The following COL22A1 variants were observed in gnomAD, a reference collection of about 807,000 sequenced individuals.
COL22A1 encodes the protein collagen alpha-1(XXII) chain.
Under a neutral mutation model 248.9 loss-of-function variants are expected in COL22A1, and 221 were observed. That is an observed-to-expected ratio of 0.89 (90% CI 0.80 to 0.99). COL22A1 has a LOEUF of 0.99. COL22A1 is among the 50% of genes least tolerant of loss of function. COL22A1 has a pLI of 0.00. For missense variants in COL22A1, 2,240 were observed against 2,179.0 expected, an observed-to-expected ratio of 1.03 and a Z score of -0.56; for synonymous variants, 891 against 793.4, an observed-to-expected ratio of 1.12 and a Z score of -2.07.
In COL22A1 at chr8:138,913,908, G is replaced by A. The variant is rs1251736466; in HGVS notation, c.-362C>T. ...GAAAGGCTTGAAAGTTACAGAATGAGATAGAAAGTGTGTGAGAAACAGAAG... is the reference window on the plus strand; with the variant it reads ...GAAAGGCTTGAAAGTTACAGAATGAAATAGAAAGTGTGTGAGAAACAGAAG... On this transcript the variant is annotated 5_prime_UTR_variant, in exon 1 of 65. Transcript: ENST00000303045. The A allele has an allele frequency of 1.3e-5, 2 of 152,432 alleles. No homozygotes were observed. Among genetic ancestry groups the A allele is most frequent in the African/African-American group, 4.8e-5 (2 of 41,478 alleles). 9.4% of individuals were successfully genotyped at this position (152,432 alleles called of 1,614,324 possible). A position where few individuals can be genotyped will look rare whatever the true frequency, so the allele number is the denominator to read the frequency against.
chr8:138,626,156 T>C (rs776700414), intron 51 of COL22A1, 34 bp downstream of exon 51: 15 of 1,548,894 alleles, frequency 9.7e-6, no homozygotes, highest in Non-Finnish European at 1.8e-6. Context: ...AACTAGTTTG[T>C]TTTTGTTTGT....
intron 21 of COL22A1, 48 bp from the exon 22 acceptor site, chr8:138,751,559 T>A (rs760611603): frequency 2.2e-6 from 3 of 1,365,464 alleles, no homozygotes; most frequent in Non-Finnish European, 2.1e-6. Flanking sequence ...TAATGGTAAA[T>A]GCAGGGCTCA....
Position 138,904,067 on chromosome 8 carries a change from C to A in COL22A1, c.-73+9552G>T, listed in dbSNP as rs1224751506. ...TATTTCCCTATCCCCGCTTTTTAAGCTTAAGCTAATTTGAGCTGGAGTTCT... is the reference window on the plus strand; with the variant it reads ...TATTTCCCTATCCCCGCTTTTTAAGATTAAGCTAATTTGAGCTGGAGTTCT... On this transcript the variant is annotated intron_variant, in intron 1 of 64. Transcript: ENST00000303045. Among the ~76,000 whole-genome samples the A allele has an allele frequency of 3.3e-5, 5 of 152,158 alleles. No homozygotes were observed. In the South Asian group the frequency reaches 8.3e-4, roughly 25 times the overall value.
intron 47 of COL22A1, among the ~76,000 whole-genome samples, chr8:138,637,629 T>C (rs1020820361): frequency 2.0e-5 from 3 of 152,224 alleles, no homozygotes; most frequent in Non-Finnish European, 4.4e-5. Context: ...CTGTGTGTCA[T>C]TGGACAAGAT....
chr8:138,881,405 G>A (rs944318878), intron 2 of COL22A1, among the ~76,000 whole-genome samples: 1 of 152,094 alleles, frequency 6.6e-6, no homozygotes, highest in African/African-American at 2.4e-5. Flanking sequence ...TCACTTTCTG[G>A]GTGGGTGTGG....
chr8:138,907,326 G>T (rs1815104766), intron 1 of COL22A1, among the ~76,000 whole-genome samples: 1 of 152,222 alleles, frequency 6.6e-6, no homozygotes, highest in African/African-American at 2.4e-5. Flanking sequence ...CTCGTGCTGT[G>T]CAGTGTCTAG....
At chr8:138,608,957 G>A (rs908915656) in intron 56 of COL22A1, among the ~76,000 whole-genome samples, 2 of 152,234 alleles carry the variant, frequency 1.3e-5, no homozygotes, top group Non-Finnish European at 2.9e-5. Flanking sequence ...CACACAGGAG[G>A]TTTCCTGCTA....
chr8:138,606,400 A>T lies in COL22A1; in HGVS notation c.4085T>A (p.Leu1362Gln). 1 of 1,613,266 alleles carries T rather than the reference A, an allele frequency of 6.2e-7. No homozygotes were observed. The highest frequency in any genetic ancestry group is 8.5e-7 in the Non-Finnish European group (1 of 1,179,792). ...ENGSPGLPGF[L>Q]GPRGPPGEPG... ...GCTTACCGGAGGCCCACGGGGACCC[A>T]GGAAGCCAGGAAGTCCTGGGCTGCC... Residue 1362 changes from leucine (L) to glutamine (Q), a missense_variant, in exon 58 of 65, where the codon CTG becomes CAG. Physicochemically the swap from Leu to Gln is moderately radical, Grantham distance 113 (BLOSUM62 -2). Coordinates refer to ENST00000303045, the MANE Select transcript of COL22A1 (RefSeq NM_152888.3).
chr8:138,662,012 C>T lies in COL22A1; in HGVS notation c.3240+18G>A. On this transcript the variant is annotated intron_variant, in intron 43 of 64. Transcript: ENST00000303045. ...TGTAAGGGCCTTCACTGAGTCCACG[C>T]CATTTCTCTGTACTTACGTCCCGGC... The T allele has an allele frequency of 5.6e-6, 9 of 1,607,268 alleles. No homozygotes were observed. Among genetic ancestry groups the T allele is most frequent in the Non-Finnish European group, 6.8e-6 (8 of 1,176,138 alleles).
chr8:138,813,203 A>G (rs1818386774), intron 7 of COL22A1, among the ~76,000 whole-genome samples, 184 bp from the exon 8 acceptor site: 1 of 152,084 alleles, frequency 6.6e-6, no homozygotes, highest in African/African-American at 2.4e-5. Flanking sequence ...GCTAAGCATC[A>G]TCTGCTCACA....
chr8:138,692,462 CAT>C (rs1491291444), intron 35 of COL22A1, among the ~76,000 whole-genome samples: 474 of 46,268 alleles, frequency 0.01, 5 homozygotes, highest in African/African-American at 0.024. Flanking sequence ...TGTGTGAGTG[CAT>C]GTGTGTGTGT....
chr8:138,824,473 T>C (rs1819417520), intron 6 of COL22A1, among the ~76,000 whole-genome samples: 1 of 152,238 alleles, frequency 6.6e-6, no homozygotes, highest in Non-Finnish European at 1.5e-5. Flanking sequence ...GTTCTCCTAA[T>C]TTGTCCTCCT....
chr8:138,615,549 T>C (rs1397336202), intron 55 of COL22A1, among the ~76,000 whole-genome samples: 1 of 144,828 alleles, frequency 6.9e-6, no homozygotes, highest in Middle Eastern at 3.5e-3. Context: ...AAAAAAAAAA[T>C]TTTTTTTTTC....
chr8:138,774,227 G>A (rs930859735), intron 16 of COL22A1, among the ~76,000 whole-genome samples: 30 of 152,088 alleles, frequency 2.0e-4, no homozygotes, highest in Non-Finnish European at 4.4e-4. Context: ...CTGCTTTGGG[G>A]AACGAGGCCA....
At chr8:138,662,138 A>G (rs1222480290) in intron 42 of COL22A1, 55 bp from the exon 43 acceptor site, 7 of 1,470,692 alleles carry the variant, frequency 4.8e-6, no homozygotes, top group Non-Finnish European at 6.6e-6. Flanking sequence ...GCAAATAAGG[A>G]CACACCCTCC....
intron 12 of COL22A1, among the ~76,000 whole-genome samples, chr8:138,795,102 A>C (rs1306134817): frequency 2.0e-5 from 3 of 152,180 alleles, no homozygotes; most frequent in Non-Finnish European, 2.9e-5. Flanking sequence ...TTAAAAAAAA[A>C]AGTGTAAAAC....
chr8:138,609,340 T>C (rs1193021924), intron 56 of COL22A1, among the ~76,000 whole-genome samples: 1 of 152,202 alleles, frequency 6.6e-6, no homozygotes, highest in Non-Finnish European at 1.5e-5. Flanking sequence ...CTTAAGGACA[T>C]GCCTTATGGG....
intron 56 of COL22A1, among the ~76,000 whole-genome samples, chr8:138,611,304 G>A (rs1350334147): frequency 6.6e-6 from 1 of 152,196 alleles, no homozygotes; most frequent in African/African-American, 2.4e-5. Flanking sequence ...CGTCCAGATT[G>A]CCTCCATTTT....
Position 138,677,257 on chromosome 8 carries a change from T to C in COL22A1, c.3073-622A>G, listed in dbSNP as rs76236789. On this transcript the variant is annotated intron_variant, in intron 40 of 64. Transcript: ENST00000303045. Reference sequence around the variant, plus strand: ...AAGTGATGAGTTCCTATGCTCTAGTTTCCTCACCTACAAGGGGAACAGGAC... The same window carrying C: ...AAGTGATGAGTTCCTATGCTCTAGTCTCCTCACCTACAAGGGGAACAGGAC... Among the ~76,000 whole-genome samples the C allele has an allele frequency of 1.9e-3, 295 of 152,306 alleles. 2 individuals carry two copies. The East Asian group carries it at 0.036, about 19-fold the overall frequency.
Sources: allele counts gnomAD v4.1 joint callset (sites outside exome capture counted in the v4.1 genomes callset), GRCh38; gene constraint gnomAD v4.1.1; transcripts MANE v1.5; gene names NCBI Gene and HGNC (gene_info 2026-07-23, HGNC 2026-07-21).